Variants in STIM1 observed in about 807,000 individuals in gnomAD.
The protein encoded by STIM1 is stromal interaction molecule 1.
A neutral mutation model predicts 74.7 loss-of-function variants in STIM1; 25 were observed. The ratio of observed to expected loss-of-function variants is 0.33; its 90% CI spans 0.24 to 0.47. The LOEUF (loss-of-function observed/expected upper bound fraction) is 0.47. Ranked by LOEUF, STIM1 falls within the 20% of genes least tolerant of loss-of-function variation. The probability of loss-of-function intolerance (pLI) is 1.00; values close to 1 mark genes in which losing one functional copy is unlikely to be tolerated. For synonymous variants in STIM1, 328 were observed against 348.8 expected, an observed-to-expected ratio of 0.94 and a Z score of 0.66; for missense variants, 728 against 920.8, an observed-to-expected ratio of 0.79 and a Z score of 2.71.
chr11:3,913,943 T>G (rs748065865), intron 1 of STIM1, among the ~76,000 whole-genome samples: 15 of 152,236 alleles, frequency 9.9e-5, no homozygotes, highest in Non-Finnish European at 1.9e-4. Flanking sequence ...GTCGGTACTT[T>G]CTTTTTTTAT....
chr11:3,881,165 A>C (rs533504496), intron 1 of STIM1, among the ~76,000 whole-genome samples: 1 of 151,824 alleles, frequency 6.6e-6, no homozygotes, highest in Non-Finnish European at 1.5e-5. Flanking sequence ...AGTGGGATTT[A>C]GTACTATCAT....
intron 1 of STIM1, among the ~76,000 whole-genome samples, chr11:3,862,803 TA>T (rs1379914525): frequency 6.6e-6 from 1 of 151,700 alleles, no homozygotes; most frequent in Non-Finnish European, 1.5e-5. Flanking sequence ...GGTCTGGGGG[TA>T]AAAAAAGTAT....
At chr11:3,865,955 G>A (rs1388981898) in intron 1 of STIM1, among the ~76,000 whole-genome samples, 14 of 152,206 alleles carry the variant, frequency 9.2e-5, no homozygotes, top group Admixed American at 9.2e-4. Flanking sequence ...TCTTTTGTGT[G>A]AGAAGTCATG....
At chr11:4,001,771 A>G (rs2093720023) in intron 2 of STIM1, among the ~76,000 whole-genome samples, 1 of 149,430 alleles carries the variant, frequency 6.7e-6, no homozygotes, top group Non-Finnish European at 1.5e-5. Context: ...TAAATGCTCC[A>G]ATTAAAAGAC....
intron 2 of STIM1, among the ~76,000 whole-genome samples, chr11:3,976,176 G>A (rs1223226025): frequency 6.6e-6 from 1 of 152,122 alleles, no homozygotes; most frequent in Non-Finnish European, 1.5e-5. Flanking sequence ...GTGGGGAAAA[G>A]CAAAAACAAA....
At chr11:3,916,748 G>A (rs187159710) in intron 1 of STIM1, among the ~76,000 whole-genome samples, 152 of 151,620 alleles carry the variant, frequency 1.0e-3, no homozygotes, top group African/African-American at 3.6e-3. Flanking sequence ...CACTGCGCCC[G>A]GCCATTTTTT....
intron 3 of STIM1, among the ~76,000 whole-genome samples, chr11:4,029,131 T>G (rs2094025028): frequency 1.3e-5 from 2 of 152,018 alleles, no homozygotes; most frequent in Admixed American, 6.6e-5. Flanking sequence ...GAGGTTGCAG[T>G]GAGCCGAGAT....
chr11:4,069,418 G>T (rs3794052), intron 5 of STIM1, among the ~76,000 whole-genome samples: 122,895 of 151,570 alleles, frequency 0.81, 51,763 homozygotes, highest in East Asian at 0.95. Context: ...CCATATGAAT[G>T]TATTCATGCT....
At chr11:4,041,738 C>T (rs140041190) in intron 3 of STIM1, among the ~76,000 whole-genome samples, 34 of 152,164 alleles carry the variant, frequency 2.2e-4, no homozygotes, top group East Asian at 1.2e-3. Context: ...TACAGGTGCG[C>T]GCCATCACAC....
intron 12 of STIM1, among the ~76,000 whole-genome samples, chr11:4,090,913 T>G (rs2133261110): frequency 2.0e-5 from 3 of 151,786 alleles, no homozygotes; most frequent in Middle Eastern, 6.8e-3. Flanking sequence ...TCTTATCTGT[T>G]TCTTCCCTCC....
chr11:4,062,087 G>A lies in STIM1; in HGVS notation c.613+2691G>A, dbSNP rs187549282. 1.8e-3 allele frequency among the ~76,000 whole-genome samples: 280 copies of A among 152,310 alleles called. 2 individuals are homozygous for A. Among genetic ancestry groups the A allele is most frequent in the African/African-American group, 6.3e-3 (263 of 41,570 alleles). On this transcript the variant is annotated intron_variant, in intron 5 of 12. Transcript: ENST00000526596. Reference sequence around the variant, plus strand: ...GTAGTGGTTGCATAACATCATGAATGTGCTATATGCCACTGAATTGCTTAC... The same window carrying A: ...GTAGTGGTTGCATAACATCATGAATATGCTATATGCCACTGAATTGCTTAC...
intron 12 of STIM1, chr11:4,086,930 T>C: frequency 6.7e-7 from 1 of 1,483,854 alleles, no homozygotes; most frequent in East Asian, 2.5e-5. Flanking sequence ...GGTTTCTGCC[T>C]GCCAGCTGCT....
chr11:3,856,127 G>A lies in STIM1; in HGVS notation c.-144G>A, dbSNP rs754024473. On this transcript the variant is annotated 5_prime_UTR_variant, in exon 1 of 13. Coordinates refer to ENST00000526596, the MANE Select transcript of STIM1 (RefSeq NM_001382567.1). The stretch of plus-strand genomic sequence containing the variant: ...CACTTGACCTTTGGCTGTTGGAGGG[G>A]GCAGGCTCGCGGGTGGCTGGACAGC... 2.8e-6 allele frequency: 3 copies of A among 1,073,998 alleles called. No individual in the cohort carries two copies. The highest frequency in any genetic ancestry group is 2.3e-4 in the Middle Eastern group (1 of 4,258). The allele number at this position is 1,073,998 out of a possible 1,614,324, so 66.5% of individuals were successfully genotyped here.
intron 10 of STIM1, 96 bp from the exon 11 acceptor site, chr11:4,084,577 C>A: frequency 9.8e-7 from 1 of 1,021,822 alleles, no homozygotes; most frequent in Non-Finnish European, 1.3e-6. Context: ...GCTACCCAAT[C>A]CCTGCCCCCA....
intron 1 of STIM1, among the ~76,000 whole-genome samples, chr11:3,898,611 A>G (rs1310712346): frequency 6.7e-6 from 1 of 149,714 alleles, no homozygotes; most frequent in Non-Finnish European, 1.5e-5. Flanking sequence ...CCTGAATGGT[A>G]ATGCCTAGGT....
At chr11:4,008,374 T>C (rs942805284) in intron 2 of STIM1, among the ~76,000 whole-genome samples, 10 of 152,138 alleles carry the variant, frequency 6.6e-5, no homozygotes, top group Non-Finnish European at 1.5e-4. Flanking sequence ...GAATGACATA[T>C]AATGAAACCA....
intron 1 of STIM1, among the ~76,000 whole-genome samples, chr11:3,920,491 A>C (rs2092704378): frequency 6.6e-6 from 1 of 152,106 alleles, no homozygotes; most frequent in African/African-American, 2.4e-5. Context: ...TTTAATATAT[A>C]TATTTATCTT....
intron 1 of STIM1, among the ~76,000 whole-genome samples, chr11:3,875,072 C>A (rs966435773): frequency 6.6e-6 from 1 of 151,762 alleles, no homozygotes; most frequent in Admixed American, 6.6e-5. Context: ...GCTTAATGCT[C>A]CCTGGACTGG....
chr11:3,926,256 C>T (rs192633899), intron 1 of STIM1, among the ~76,000 whole-genome samples: 524 of 152,188 alleles, frequency 3.4e-3, no homozygotes, highest in African/African-American at 0.012. Flanking sequence ...GATGTTCTTC[C>T]TTGCACACTG....
Sources: gnomAD v4.1 joint callset for allele counts (sites outside exome capture counted in the v4.1 genomes callset) on GRCh38, gnomAD v4.1.1 for gene constraint, MANE v1.5 for transcripts, NCBI Gene and HGNC (gene_info 2026-07-23, HGNC 2026-07-21) for gene names.